Variants in GDNF observed in about 807,000 individuals in gnomAD.
GDNF encodes the protein glial cell derived neurotrophic factor.
Under a neutral mutation model 13.7 loss-of-function variants are expected in GDNF, and 5 were observed. The observed-to-expected ratio is 0.36, with a 90% CI of 0.19 to 0.77. The LOEUF (loss-of-function observed/expected upper bound fraction) is 0.77, where lower values mean the gene tolerates loss of function less well. Ranked by LOEUF, GDNF falls within the 30% of genes least tolerant of loss-of-function variation. The probability of loss-of-function intolerance (pLI) is 0.51; values close to 1 mark genes in which losing one functional copy is unlikely to be tolerated. For missense variants in GDNF, 246 were observed against 274.3 expected (o/e 0.90, Z 0.73); for synonymous variants, 122 against 112.5 (o/e 1.08, Z -0.53).
At chr5:37,835,487 G>C in intron 1 of GDNF, 2 of 1,491,232 alleles carry the variant, frequency 1.3e-6, no homozygotes, top group East Asian at 2.5e-5. Context: ...CTTTTGGCCT[G>C]TATGGGATAT....
rs769804461 is a variant in GDNF, at chr5:37,834,757, G to A, written c.40C>T (p.Leu14Phe). The A allele has an allele frequency of 3.1e-6, 5 of 1,612,888 alleles. No homozygotes were observed. The highest frequency in any genetic ancestry group is 2.2e-5 in the East Asian group (1 of 44,834). The change falls in exon 2 of 3, where the codon CTC (leucine) becomes TTC (phenylalanine). Residue 14 changes from leucine (L) to phenylalanine (F), a missense_variant. Physicochemically the swap from Leu to Phe is conservative, Grantham distance 22. Coordinates refer to ENST00000326524, the MANE Select transcript of GDNF (RefSeq NM_000514.4). ...AGCGGGAAGGCGGACGCGGTGTGGAGCAGCACCAGGCAGACAGCCACGACA... is the reference window on the plus strand; with the variant it reads ...AGCGGGAAGGCGGACGCGGTGTGGAACAGCACCAGGCAGACAGCCACGACA... ...WDVVAVCLVL[L>F]HTASAFPLPA...
In GDNF at chr5:37,837,547, T is replaced by C. The variant is rs1750751950; in HGVS notation, c.-27+1960A>G. On this transcript the variant is annotated intron_variant, in intron 1 of 2. Transcript: ENST00000326524. The surrounding 1 kb of genome is among the most constrained non-coding windows in gnomAD (Gnocchi z 6.5). ...GCAGCCGCTCGCCGCGAGGCACTTC[T>C]GAGTTCCCGGCAGCAGGGGGCACCA... Among the ~76,000 whole-genome samples the C allele has an allele frequency of 6.6e-6, 1 of 152,134 alleles. No individual in the cohort carries two copies. Among genetic ancestry groups the C allele is most frequent in the African/African-American group, 2.4e-5 (1 of 41,444 alleles).
At chr5:37,816,592 G>C (rs1470975815) in intron 2 of GDNF, among the ~76,000 whole-genome samples, 1 of 152,120 alleles carries the variant, frequency 6.6e-6, no homozygotes, top group Non-Finnish European at 1.5e-5. Flanking sequence ...TGAGTCATTT[G>C]GTCTGGGGAG....
chr5:37,820,478 T>G (rs1031348992), intron 2 of GDNF, among the ~76,000 whole-genome samples: 5 of 152,222 alleles, frequency 3.3e-5, no homozygotes, highest in South Asian at 4.1e-4. Context: ...AAAGCCTGGT[T>G]GTATTTGAAT....
chr5:37,831,017 C>T (rs1056279714), intron 2 of GDNF, among the ~76,000 whole-genome samples: 1 of 152,220 alleles, frequency 6.6e-6, no homozygotes, highest in Non-Finnish European at 1.5e-5. Context: ...TCGTGGTTTA[C>T]ATAGGTTTTT....
At position 37,816,099 on chromosome 5, in the gene GDNF, T is replaced by G. The variant is rs1220607306; in HGVS notation, c.188A>C (p.Asp63Ala). ...GGTGGCTTGAATAAAATCCATGACA[T>G]CATCGAACTGATCAGGATAATCCTC... is the stretch of plus-strand genomic sequence containing the variant. ...MPEDYPDQFD[D>A]VMDFIQATIK... The change falls in exon 3 of 3, where the codon GAT becomes GCT. Residue 63 changes from aspartate to alanine, a missense_variant. Asp to Ala is a moderately radical substitution (Grantham distance 126). Coordinates refer to ENST00000326524, the MANE Select transcript of GDNF (RefSeq NM_000514.4). The G allele has an allele frequency of 6.2e-7, 1 of 1,612,984 alleles. No homozygotes were observed. Among genetic ancestry groups the G allele is most frequent in the East Asian group, 2.2e-5 (1 of 44,898 alleles).
At chr5:37,822,409 G>T (rs1342197078) in intron 2 of GDNF, among the ~76,000 whole-genome samples, 1 of 152,208 alleles carries the variant, frequency 6.6e-6, no homozygotes, top group Non-Finnish European at 1.5e-5. Context: ...GGGGTGAGCT[G>T]CTGCCTGAGC....
In GDNF at chr5:37,834,706, C is replaced by T; in HGVS notation, c.91G>A (p.Ala31Thr). The T allele has an allele frequency of 5.0e-6, 8 of 1,610,506 alleles. No individual in the cohort carries two copies. Among genetic ancestry groups the T allele is most frequent in the Non-Finnish European group, 5.9e-6 (7 of 1,178,754 alleles). The change falls in exon 2 of 3, where the codon GCG becomes ACG. Residue 31 changes from alanine (A) to threonine (T), a missense_variant. By Grantham distance (58) the Ala-to-Thr change is moderately conservative. Coordinates refer to ENST00000326524, the MANE Select transcript of GDNF (RefSeq NM_000514.4). ...CCGAGGGAGCGGTCTTCGGCGGGCG[C>T]CTCGGGAGGCCTCTTACCGGCGGGC... ...PLPAGKRPPE[A>T]PAEDRSLGRR...
intron 2 of GDNF, among the ~76,000 whole-genome samples, chr5:37,822,752 G>A (rs1242365705): frequency 2.0e-5 from 3 of 151,900 alleles, no homozygotes; most frequent in Non-Finnish European, 4.4e-5. Flanking sequence ...ATACACATGC[G>A]TGCATACATA....
chr5:37,835,692 C>G, intron 1 of GDNF: 1 of 1,544,170 alleles, frequency 6.5e-7, no homozygotes, highest in Non-Finnish European at 8.8e-7. Context: ...CGTGGTATAC[C>G]CGAAAACCCT....
rs964947450 is a variant in GDNF at position 37,813,528 on chromosome 5, T to A, written c.*2123A>T. On this transcript the variant is annotated 3_prime_UTR_variant, in exon 3 of 3. Transcript: ENST00000326524. ...TCTAGGGCATGGAGGAGGTGGCTGTTCCCGCCCCTATGCTTCCTCCTGCTC... is the reference window on the plus strand; with the variant it reads ...TCTAGGGCATGGAGGAGGTGGCTGTACCCGCCCCTATGCTTCCTCCTGCTC... 6.7e-6 allele frequency: 1 copy of A among 149,394 alleles called. No individual in the cohort carries two copies. The highest frequency in any genetic ancestry group is 1.5e-5 in the Non-Finnish European group (1 of 67,650). The allele number at this position is 149,394 out of a possible 1,614,324, so 9.3% of individuals were successfully genotyped here. A position where few individuals can be genotyped will look rare whatever the true frequency, so the allele number is the denominator to read the frequency against.
chr5:37,823,039 A>T (rs1029083471), intron 2 of GDNF, among the ~76,000 whole-genome samples: 7 of 152,340 alleles, frequency 4.6e-5, no homozygotes, highest in African/African-American at 1.7e-4. Flanking sequence ...GCACTTAAAA[A>T]ACATTACCAG....
In GDNF at chr5:37,837,341, G is replaced by C. The variant is rs1471652299; in HGVS notation, c.-27+2166C>G. On this transcript the variant is annotated intron_variant, in intron 1 of 2. Transcript: ENST00000326524. The surrounding 1 kb of genome is among the most constrained non-coding windows in gnomAD (Gnocchi z 6.5). ...AAGCTCTGCTCCTCAAGTGACGGGGGCTCTGCTCTGCCAGGTGACCGCGCA... is the reference window on the plus strand; with the variant it reads ...AAGCTCTGCTCCTCAAGTGACGGGGCCTCTGCTCTGCCAGGTGACCGCGCA... Among the ~76,000 whole-genome samples, 1 of 152,204 alleles carries C rather than the reference G, an allele frequency of 6.6e-6. No homozygotes were observed. The highest frequency in any genetic ancestry group is 6.5e-5 in the Admixed American group (1 of 15,292).
rs1750642315 is a variant in GDNF at position 37,834,746 on chromosome 5, C to G, written c.51G>C (p.Ala17=). The G allele has an allele frequency of 1.2e-6, 2 of 1,612,230 alleles. No individual in the cohort carries two copies. The highest frequency in any genetic ancestry group is 1.7e-5 in the Admixed American group (1 of 59,968). Residue 17 remains alanine, a synonymous_variant, in exon 2 of 3, where the codon GCG becomes GCC. Transcript: ENST00000326524. ...TACCGGCGGGCAGCGGGAAGGCGGA[C>G]GCGGTGTGGAGCAGCACCAGGCAGA... ...VAVCLVLLHT[A]SAFPLPAGKR...
At position 37,813,808 on chromosome 5, in the gene GDNF, C is replaced by T. The variant is rs890459008; in HGVS notation, c.*1843G>A. ...AAACTCCTGGGTTCAAGAGATCCTC[C>T]CACCTTGGCTTTCCAAAGTGTTGGG... On this transcript the variant is annotated 3_prime_UTR_variant, in exon 3 of 3. Transcript: ENST00000326524. 7 of 152,798 alleles carry T rather than the reference C, an allele frequency of 4.6e-5. No individual in the cohort carries two copies. The highest frequency in any genetic ancestry group is 1.7e-4 in the African/African-American group (7 of 41,404). The allele number at this position is 152,798 out of a possible 1,614,324, so 9.5% of individuals were successfully genotyped here.
intron 2 of GDNF, 150 bp from the exon 3 acceptor site, chr5:37,816,285 A>C (rs1472158281): frequency 9.7e-6 from 7 of 718,536 alleles, no homozygotes; most frequent in African/African-American, 3.5e-5. Flanking sequence ...TGTAATCCCC[A>C]AAAACAGAGG....
At chr5:37,828,502 T>G (rs1750409042) in intron 2 of GDNF, among the ~76,000 whole-genome samples, 2 of 152,246 alleles carry the variant, frequency 1.3e-5, no homozygotes, top group Admixed American at 1.3e-4. Context: ...CCTGGAAATC[T>G]GTGTTTCAGG....
intron 2 of GDNF, among the ~76,000 whole-genome samples, chr5:37,817,502 A>C (rs1405454451): frequency 6.6e-6 from 1 of 152,172 alleles, no homozygotes; most frequent in African/African-American, 2.4e-5. Context: ...CCCATGTCAA[A>C]TTGTTTTGTC....
chr5:37,815,660 T>C lies in GDNF; in HGVS notation c.627A>G (p.Gly209=). The C allele has an allele frequency of 6.2e-7, 1 of 1,613,666 alleles. No individual in the cohort carries two copies. The highest frequency in any genetic ancestry group is 8.5e-7 in the Non-Finnish European group (1 of 1,179,612). ...ILRKHSAKRC[G]CI ...GTCTCTGGAGCCGGAGTCAGATACA[T>C]CCACACCTTTTAGCGGAATGCTTTC... The change falls in exon 3 of 3, where the codon GGA becomes GGG. Residue 209 remains glycine, a synonymous_variant. Transcript: ENST00000326524. The surrounding 1 kb of genome is among the most constrained non-coding windows in gnomAD (Gnocchi z 5.0).
Sources: gnomAD v4.1 joint callset for allele counts (sites outside exome capture counted in the v4.1 genomes callset) on GRCh38, gnomAD v4.1.1 for gene constraint, Gnocchi (gnomAD v3.1) non-coding constraint, MANE v1.5 for transcripts, NCBI Gene and HGNC (gene_info 2026-07-23, HGNC 2026-07-21) for gene names.